The following NRG1 variants were observed in gnomAD, a reference collection of about 807,000 sequenced individuals.
NRG1 encodes neuregulin 1.
In NRG1, 18 loss-of-function variants were observed where a neutral mutation model predicts 63.8. That is an observed-to-expected ratio of 0.28 (90% confidence interval 0.19 to 0.42). NRG1 has a LOEUF of 0.42. NRG1 is among the 10% of genes least tolerant of loss of function. The pLI, the probability that NRG1 is intolerant of heterozygous loss-of-function variation, is 1.00. For synonymous variants in NRG1, 302 were observed against 301.3 expected (o/e 1.00, Z -0.02); for missense variants, 762 against 814.7 (o/e 0.94, Z 0.79).
At chr8:32,697,775 C>T (rs1208042789) in intron 5 of NRG1, among the ~76,000 whole-genome samples, 1 of 152,186 alleles carries the variant, frequency 6.6e-6, no homozygotes, top group Non-Finnish European at 1.5e-5. Flanking sequence ...ATAAGATTTT[C>T]ACAAATCAGT....
chr8:32,230,402 C>T (rs973484399), intron 1 of NRG1, among the ~76,000 whole-genome samples: 5 of 152,148 alleles, frequency 3.3e-5, no homozygotes, highest in African/African-American at 1.2e-4. Flanking sequence ...TGCTCTCTTC[C>T]TGCCACCCCT....
chr8:32,185,777 GT>G (rs1277528654), intron 1 of NRG1, among the ~76,000 whole-genome samples: 1 of 152,156 alleles, frequency 6.6e-6, no homozygotes, highest in African/African-American at 2.4e-5. Flanking sequence ...CATGGGAACA[GT>G]TAATAATTCC....
chr8:32,410,176 CTTTTTTT>C (rs374377158), intron 1 of NRG1, among the ~76,000 whole-genome samples: 5 of 99,308 alleles, frequency 5.0e-5, no homozygotes, highest in African/African-American at 1.6e-4. Flanking sequence ...TTTTTCTTTC[CTTTTTTT>C]TTTTTTTTTT....
chr8:32,603,166 A>C lies in NRG1; in HGVS notation c.279-2396A>C, dbSNP rs541038263. On this transcript the variant is annotated intron_variant, in intron 2 of 11. Coordinates refer to ENST00000356819, the Ensembl canonical transcript of NRG1. ...CCATTCCTAGATAGATAAGGCTGTT[A>C]AATTACATCCACTTTTTGTCAACTT... is the stretch of plus-strand genomic sequence containing the variant. Among the ~76,000 whole-genome samples the C allele has an allele frequency of 5.3e-5, 8 of 152,286 alleles. No individual in the cohort carries two copies. In the East Asian group the frequency reaches 1.4e-3, roughly 26 times the overall value.
At chr8:31,730,040 A>AG (rs1337581469) in intron 1 of NRG1, among the ~76,000 whole-genome samples, 1 of 152,154 alleles carries the variant, frequency 6.6e-6, no homozygotes, top group Non-Finnish European at 1.5e-5. Flanking sequence ...CCCCTTAAGT[A>AG]GTTAGATGAT....
chr8:32,288,238 G>A (rs1853775891), intron 1 of NRG1, among the ~76,000 whole-genome samples: 1 of 152,170 alleles, frequency 6.6e-6, no homozygotes, highest in Admixed American at 6.5e-5. Flanking sequence ...AATTATAAGA[G>A]TGATTAGCAA....
chr8:31,949,093 G>A lies in NRG1; in HGVS notation c.37+309662G>A, dbSNP rs569411646. On this transcript the variant is annotated intron_variant, in intron 1 of 10. Coordinates refer to the NRG1 transcript ENST00000519301. Reference sequence around the variant, plus strand: ...AGGATCATTATATAGATCTAAAAAAGTTTTATCAAAGATGATGATAATCAT... The same window carrying A: ...AGGATCATTATATAGATCTAAAAAAATTTTATCAAAGATGATGATAATCAT... 2.6e-5 allele frequency among the ~76,000 whole-genome samples: 4 copies of A among 152,238 alleles called. No individual in the cohort carries two copies. The South Asian group carries it at 6.2e-4, about 24-fold the overall frequency.
intron 1 of NRG1, among the ~76,000 whole-genome samples, chr8:31,944,952 G>A (rs957560770): frequency 6.6e-6 from 1 of 152,170 alleles, no homozygotes; most frequent in Non-Finnish European, 1.5e-5. Context: ...CAAAACTTCC[G>A]TAGTACTCAG....
At chr8:32,285,306 A>AGGT (rs1408086277) in intron 1 of NRG1, among the ~76,000 whole-genome samples, 1 of 152,148 alleles carries the variant, frequency 6.6e-6, no homozygotes, top group African/African-American at 2.4e-5. Context: ...CACTGGTGAT[A>AGGT]GAGGCAGGAC....
intron 5 of NRG1, among the ~76,000 whole-genome samples, chr8:32,680,768 G>C (rs1427137213): frequency 6.6e-6 from 1 of 151,822 alleles, no homozygotes; most frequent in Non-Finnish European, 1.5e-5. Flanking sequence ...TTGTTTATTT[G>C]TCTTCCTCTG....
intron 1 of NRG1, among the ~76,000 whole-genome samples, chr8:32,100,009 G>A (rs941809304): frequency 1.3e-5 from 2 of 151,994 alleles, no homozygotes; most frequent in Non-Finnish European, 2.9e-5. Context: ...ATAGCTGGGG[G>A]TGACGAGGTT....
intron 1 of NRG1, among the ~76,000 whole-genome samples, chr8:31,698,544 A>C (rs1440022929): frequency 2.6e-5 from 4 of 152,216 alleles, no homozygotes; most frequent in Non-Finnish European, 5.9e-5. Flanking sequence ...AAATCATCTT[A>C]ACAAATATTT....
At chr8:31,753,281 A>T (rs1375216749) in intron 1 of NRG1, among the ~76,000 whole-genome samples, 1 of 152,062 alleles carries the variant, frequency 6.6e-6, no homozygotes, top group Non-Finnish European at 1.5e-5. Context: ...AAGGGCTTTA[A>T]TTATATTTAA....
At chr8:32,116,907 C>T (rs776276975) in intron 1 of NRG1, among the ~76,000 whole-genome samples, 3 of 142,700 alleles carry the variant, frequency 2.1e-5, no homozygotes, top group Admixed American at 7.6e-5. Context: ...CTTGAGAAGC[C>T]GAGGTAGGAT....
At chr8:32,725,132 C>T (rs1821751520) in intron 5 of NRG1, among the ~76,000 whole-genome samples, 2 of 151,968 alleles carry the variant, frequency 1.3e-5, no homozygotes, top group Admixed American at 1.3e-4. Flanking sequence ...TAAGGAGTGT[C>T]TACATTTGGG....
At chr8:32,044,833 T>C (rs1196096170) in intron 1 of NRG1, among the ~76,000 whole-genome samples, 1 of 147,260 alleles carries the variant, frequency 6.8e-6, no homozygotes, top group Admixed American at 6.9e-5. Flanking sequence ...ATTTATTATG[T>C]AAAATGCTCA....
intron 1 of NRG1, among the ~76,000 whole-genome samples, chr8:32,280,921 A>G (rs1271685693): frequency 1.3e-5 from 2 of 149,182 alleles, no homozygotes; most frequent in East Asian, 4.1e-4. Flanking sequence ...CATGATGCTC[A>G]GCTAATTTTT....
At position 31,962,781 on chromosome 8, in the gene NRG1, C is replaced by T. The variant is rs536194202; in HGVS notation, c.37+323350C>T. Among the ~76,000 whole-genome samples the T allele has an allele frequency of 1.6e-4, 25 of 152,248 alleles. No homozygotes were observed. In the South Asian group the frequency reaches 5.0e-3, roughly 30 times the overall value. On this transcript the variant is annotated intron_variant, in intron 1 of 10. Coordinates refer to the NRG1 transcript ENST00000519301. Reference sequence around the variant, plus strand: ...GCCTGCCATTTCTCTTATATTCAAACACTTTGGGAAAGGAGCCATTTTTTT... The same window carrying T: ...GCCTGCCATTTCTCTTATATTCAAATACTTTGGGAAAGGAGCCATTTTTTT...
chr8:32,708,613 G>A (rs1817026467), intron 5 of NRG1, among the ~76,000 whole-genome samples: 1 of 152,178 alleles, frequency 6.6e-6, no homozygotes, highest in African/African-American at 2.4e-5. Flanking sequence ...ATCTGTCTGA[G>A]ATATTGTTTA....
Sources: gnomAD v4.1 joint callset for allele counts (sites outside exome capture counted in the v4.1 genomes callset) on GRCh38, gnomAD v4.1.1 for gene constraint, MANE v1.5 for transcripts, NCBI Gene and HGNC (gene_info 2026-07-23, HGNC 2026-07-21) for gene names.